Variants in RTL4 observed in about 807,000 individuals in gnomAD.
The protein encoded by RTL4 is retrotransposon Gag like 4.
Under a neutral mutation model 5.3 loss-of-function variants are expected in RTL4, and 4 were observed. The ratio of observed to expected loss-of-function variants is 0.75; its 90% CI spans 0.37 to 1.72. The LOEUF (loss-of-function observed/expected upper bound fraction) is 1.72, where lower values mean the gene tolerates loss of function less well. Ranked by LOEUF, RTL4 falls within the 40% of genes most tolerant of loss-of-function variation. The pLI, the probability that RTL4 is intolerant of heterozygous loss-of-function variation, is 0.04. For missense variants in RTL4, 260 were observed against 227.1 expected (o/e 1.14, Z -0.93); for synonymous variants, 98 against 87.3 (o/e 1.12, Z -0.68).
chrX:112,190,673 T>A, the RTL4 span, among the ~76,000 whole-genome samples: 1 of 112,258 alleles, frequency 8.9e-6, no homozygotes, highest in Admixed American at 9.5e-5. Context: ...TTTTTGTCTG[T>A]CTTCTCTCAT....
At chrX:112,167,715 T>A in the RTL4 span, among the ~76,000 whole-genome samples, 1 of 109,015 alleles carries the variant, frequency 9.2e-6, no homozygotes, top group Non-Finnish European at 1.9e-5. Flanking sequence ...ATCCTGCTCA[T>A]ACTGTGTAAA....
the RTL4 span, among the ~76,000 whole-genome samples, chrX:112,285,833 G>A: frequency 3.6e-5 from 4 of 110,977 alleles, no homozygotes; most frequent in Non-Finnish European, 5.7e-5. Flanking sequence ...CCCAATTCAC[G>A]TCCAAATCAG....
the RTL4 span, among the ~76,000 whole-genome samples, chrX:112,271,107 G>A: frequency 1.8e-5 from 2 of 109,287 alleles, no homozygotes; most frequent in African/African-American, 3.3e-5. Context: ...CATCAGTTAG[G>A]GTTTGCAGGA....
At chrX:112,415,259 A>C in the RTL4 span, among the ~76,000 whole-genome samples, 1 of 111,332 alleles carries the variant, frequency 9.0e-6, no homozygotes, top group Non-Finnish European at 1.9e-5. Context: ...AGTATATATT[A>C]GTTTTGCCTG....
chrX:112,328,350 T>C, the RTL4 span, among the ~76,000 whole-genome samples: 1 of 109,878 alleles, frequency 9.1e-6, no homozygotes, highest in African/African-American at 3.3e-5. Context: ...AAGGCAGGGG[T>C]TGCAATCCTA....
the RTL4 span, among the ~76,000 whole-genome samples, chrX:112,350,515 G>A: frequency 9.0e-6 from 1 of 110,936 alleles, no homozygotes; most frequent in Non-Finnish European, 1.9e-5. Context: ...TGGTTGGTAA[G>A]CTATTGATTA....
chrX:112,353,908 G>T, the RTL4 span, among the ~76,000 whole-genome samples: 12 of 111,249 alleles, frequency 1.1e-4, no homozygotes, highest in South Asian at 3.8e-4. Flanking sequence ...GAAGACAAAT[G>T]ATTTTTTTAA....
the RTL4 span, among the ~76,000 whole-genome samples, chrX:112,119,708 T>C: frequency 8.9e-6 from 1 of 111,886 alleles, no homozygotes; most frequent in South Asian, 3.8e-4. Flanking sequence ...CTAACTGTGA[T>C]GGGTAAAAGA....
chrX:112,238,937 A>G, the RTL4 span, among the ~76,000 whole-genome samples: 1 of 111,833 alleles, frequency 8.9e-6, no homozygotes, highest in Non-Finnish European at 1.9e-5. Flanking sequence ...GTGGAAAGAA[A>G]CTGATCTTCT....
chrX:112,351,139 A>G, the RTL4 span, among the ~76,000 whole-genome samples: 10 of 111,376 alleles, frequency 9.0e-5, no homozygotes, highest in Admixed American at 8.6e-4. Flanking sequence ...CTAGTCATTC[A>G]GGAGCAGGTT....
the RTL4 span, among the ~76,000 whole-genome samples, chrX:112,171,554 T>C: frequency 4.5e-5 from 5 of 112,031 alleles, no homozygotes; most frequent in Admixed American, 4.7e-4. Context: ...GAGCTGTTTA[T>C]AGTATTCTCT....
chrX:112,366,636 T>C, the RTL4 span, among the ~76,000 whole-genome samples: 1,699 of 112,373 alleles, frequency 0.015, 37 homozygotes, highest in African/African-American at 0.052. Context: ...ATTCCTCATG[T>C]GTCCCTGTCT....
chrX:112,150,415 C>T, the RTL4 span, among the ~76,000 whole-genome samples: 1 of 111,421 alleles, frequency 9.0e-6, no homozygotes, highest in African/African-American at 3.3e-5. Context: ...AGATGAATTG[C>T]CGTCTCACCT....
chrX:112,093,622 G>C, the RTL4 span, among the ~76,000 whole-genome samples: 11 of 111,956 alleles, frequency 9.8e-5, no homozygotes, highest in Non-Finnish European at 1.9e-4. Flanking sequence ...CTTATAATCT[G>C]TTGCAGAAGA....
chrX:112,313,282 A>C, the RTL4 span, among the ~76,000 whole-genome samples: 79 of 111,391 alleles, frequency 7.1e-4, no homozygotes, highest in East Asian at 0.019. Context: ...TATGTATTTT[A>C]GTAAAAACAA....
chrX:112,243,740 T>C, the RTL4 span, among the ~76,000 whole-genome samples: 1 of 111,707 alleles, frequency 9.0e-6, no homozygotes, highest in African/African-American at 3.3e-5. Context: ...TTCTGCTAGC[T>C]TTTGAATGTG....
the RTL4 span, among the ~76,000 whole-genome samples, chrX:112,168,866 A>G: frequency 9.0e-6 from 1 of 110,815 alleles, no homozygotes; most frequent in Non-Finnish European, 1.9e-5. Flanking sequence ...TTATTCCTTT[A>G]CTTTCTTAAT....
chrX:112,457,071 G>A (rs907032175), exon 1 of RTL4: 1 of 123,297 alleles, frequency 8.1e-6, no homozygotes, highest in Non-Finnish European at 1.9e-5. Context: ...ATATCCTGGA[G>A]AAATATCAGT....
the RTL4 span, among the ~76,000 whole-genome samples, chrX:112,093,166 C>G: frequency 1.8e-5 from 2 of 111,439 alleles, no homozygotes; most frequent in African/African-American, 6.5e-5. Context: ...TGCTCCACAC[C>G]TGGATAATTG....
Sources: allele counts gnomAD v4.1 joint callset (sites outside exome capture counted in the v4.1 genomes callset), GRCh38; gene constraint gnomAD v4.1.1; transcripts MANE v1.5; gene names NCBI Gene and HGNC (gene_info 2026-07-23, HGNC 2026-07-21).